Variants in NCBP3 observed in about 807,000 individuals in gnomAD.
NCBP3 encodes nuclear cap binding subunit 3.
A neutral mutation model predicts 75.7 loss-of-function variants in NCBP3; 20 were observed. The observed-to-expected ratio is 0.26, with a 90% CI of 0.19 to 0.38. The LOEUF is 0.38. Among genes scored for constraint, NCBP3 ranks in the 10% least tolerant of loss-of-function variants. NCBP3 has a pLI of 1.00. For missense variants in NCBP3, 678 were observed against 796.9 expected (o/e 0.85, Z 1.80); for synonymous variants, 293 against 290.5 (o/e 1.01, Z -0.09).
In NCBP3 at chr17:3,846,022, C is replaced by A. The variant is rs778096696; in HGVS notation, c.183+19G>T. ...CTAGCCCCGCGACCTCTTCCTTACCCCCCGACCCCCGCCCGTACCGGGATC... is the reference window on the plus strand; with the variant it reads ...CTAGCCCCGCGACCTCTTCCTTACCACCCGACCCCCGCCCGTACCGGGATC... On this transcript the variant is annotated intron_variant, in intron 1 of 12. Coordinates refer to ENST00000389005, the MANE Select transcript of NCBP3 (RefSeq NM_001114118.3). This position sits in a 1 kb window ranked among gnomAD's most constrained non-coding sequence, Gnocchi z 4.6. The A allele has an allele frequency of 1.7e-5, 27 of 1,545,192 alleles. No homozygotes were observed. Among genetic ancestry groups the A allele is most frequent in the Non-Finnish European group, 2.3e-5 (26 of 1,144,190 alleles).
intron 9 of NCBP3, 39 bp downstream of exon 9, chr17:3,821,210 C>G: frequency 7.1e-7 from 1 of 1,410,772 alleles, no homozygotes; most frequent in African/African-American, 1.4e-5. Flanking sequence ...ATTTCAGGAG[C>G]CAAACATGTG....
chr17:3,828,965 C>A (rs958585518), intron 4 of NCBP3, among the ~76,000 whole-genome samples: 1 of 152,106 alleles, frequency 6.6e-6, no homozygotes, highest in Non-Finnish European at 1.5e-5. Flanking sequence ...GTTAAAGAGG[C>A]CTCAATCAAC....
At chr17:3,845,262 C>T (rs1037508812) in intron 1 of NCBP3, among the ~76,000 whole-genome samples, 6 of 152,186 alleles carry the variant, frequency 3.9e-5, no homozygotes, top group Non-Finnish European at 7.3e-5. Context: ...TCCATAACTT[C>T]AGTCTAAATA....
intron 8 of NCBP3, among the ~76,000 whole-genome samples, chr17:3,821,624 T>C (rs1185498044): frequency 6.6e-6 from 1 of 152,164 alleles, no homozygotes; most frequent in African/African-American, 2.4e-5. Flanking sequence ...GGTTTCACCA[T>C]GTTGGCCAGG....
In NCBP3 at chr17:3,811,870, T is replaced by C. The variant is rs1319667659; in HGVS notation, c.*1174A>G. On this transcript the variant is annotated 3_prime_UTR_variant, in exon 13 of 13. Coordinates refer to ENST00000389005, the MANE Select transcript of NCBP3 (RefSeq NM_001114118.3). ...AATCTACCTCCTCCTAATGGTAAAA[T>C]AATCTGAAAGGAGTTTAAAAATAAA... The C allele has an allele frequency of 2.6e-5, 4 of 152,226 alleles. No individual in the cohort carries two copies. The highest frequency in any genetic ancestry group is 5.9e-5 in the Non-Finnish European group (4 of 68,022). 9.4% of individuals were successfully genotyped at this position (152,226 alleles called of 1,614,324 possible). A position where few individuals can be genotyped will look rare whatever the true frequency, so the allele number is the denominator to read the frequency against.
chr17:3,825,552 TTTC>T (rs2053768265), intron 6 of NCBP3, among the ~76,000 whole-genome samples: 1 of 152,232 alleles, frequency 6.6e-6, no homozygotes, highest in Non-Finnish European at 1.5e-5. Flanking sequence ...ATAAAACTAT[TTTC>T]TTTTTTTGTA....
intron 11 of NCBP3, 86 bp from the exon 12 acceptor site, chr17:3,814,569 G>T: frequency 2.1e-6 from 3 of 1,399,250 alleles, no homozygotes; most frequent in Non-Finnish European, 3.0e-6. Flanking sequence ...CGGATCTGGC[G>T]CTAACCCCTG....
intron 8 of NCBP3, 49 bp downstream of exon 8, chr17:3,821,904 G>A (rs1238153213): frequency 3.3e-6 from 4 of 1,205,524 alleles, no homozygotes; most frequent in Non-Finnish European, 4.9e-6. Context: ...ACCAACTGAA[G>A]GATTAAGAAA....
intron 3 of NCBP3, among the ~76,000 whole-genome samples, chr17:3,838,225 C>G (rs1458787043): frequency 6.6e-6 from 1 of 152,116 alleles, no homozygotes; most frequent in Non-Finnish European, 1.5e-5. Context: ...GACACCTGAC[C>G]AGAGATAAAG....
At chr17:3,833,935 A>G (rs2053930845) in intron 3 of NCBP3, among the ~76,000 whole-genome samples, 1 of 152,116 alleles carries the variant, frequency 6.6e-6, no homozygotes, top group Admixed American at 6.5e-5. Flanking sequence ...TTTCTGCTGC[A>G]TTCTAGGAAA....
At chr17:3,819,137 G>C (rs747903231) in intron 9 of NCBP3, among the ~76,000 whole-genome samples, 1 of 152,162 alleles carries the variant, frequency 6.6e-6, no homozygotes, top group African/African-American at 2.4e-5. Context: ...TAGATGCAAG[G>C]GGGCTGTGAT....
At position 3,803,224 on chromosome 17, in the gene NCBP3, A is replaced by G. The variant is rs1292504779; in HGVS notation, c.*9820T>C. The G allele has an allele frequency of 6.6e-6, 1 of 152,266 alleles. No individual in the cohort carries two copies. Among genetic ancestry groups the G allele is most frequent in the East Asian group, 1.9e-4 (1 of 5,206 alleles). 9.4% of individuals were successfully genotyped at this position (152,266 alleles called of 1,614,324 possible). A position where few individuals can be genotyped will look rare whatever the true frequency, so the allele number is the denominator to read the frequency against. On this transcript the variant is annotated 3_prime_UTR_variant, in exon 13 of 13. Coordinates refer to ENST00000389005, the MANE Select transcript of NCBP3 (RefSeq NM_001114118.3). ...GGACCAACTTCAAGGACGTTCTACA[A>G]CAGAAACTGGACTGTACTCTTCACA...
chr17:3,827,884 A>G (rs2053815382), intron 4 of NCBP3, among the ~76,000 whole-genome samples: 1 of 152,138 alleles, frequency 6.6e-6, no homozygotes, highest in Non-Finnish European at 1.5e-5. Context: ...TTAATGTACA[A>G]TAAACTACAC....
intron 3 of NCBP3, among the ~76,000 whole-genome samples, chr17:3,830,046 C>A (rs2053850654): frequency 6.6e-6 from 1 of 152,150 alleles, no homozygotes; most frequent in African/African-American, 2.4e-5. Context: ...ATCGAGATAT[C>A]TTACATCTTT....
At position 3,812,981 on chromosome 17, in the gene NCBP3, T is replaced by C; in HGVS notation, c.*63A>G. On this transcript the variant is annotated 3_prime_UTR_variant, in exon 13 of 13. Transcript: ENST00000389005. ...CAGCTCCTGCGGGGGAGGTTCCTAC[T>C]GCGCGCCCCACCCTGTGCAAGAATG... The C allele has an allele frequency of 6.2e-7, 1 of 1,600,798 alleles. No individual in the cohort carries two copies. Among genetic ancestry groups the C allele is most frequent in the Non-Finnish European group, 8.5e-7 (1 of 1,173,184 alleles).
intron 11 of NCBP3, 77 bp from the exon 12 acceptor site, chr17:3,814,560 G>A (rs1299292732): frequency 2.1e-5 from 31 of 1,499,108 alleles, no homozygotes; most frequent in Admixed American, 5.7e-5. Context: ...CACCTCTAAC[G>A]GATCTGGCGC....
intron 10 of NCBP3, 95 bp from the exon 11 acceptor site, chr17:3,816,365 A>G (rs2053532751): frequency 1.8e-6 from 2 of 1,134,214 alleles, no homozygotes; most frequent in Admixed American, 4.9e-5. Flanking sequence ...AAACAATTTA[A>G]GAAATCCTGT....
intron 1 of NCBP3, among the ~76,000 whole-genome samples, chr17:3,845,565 T>C (rs562124241): frequency 1.3e-5 from 2 of 152,264 alleles, no homozygotes; most frequent in South Asian, 2.1e-4. Context: ...TGCTGACAAG[T>C]GCAGCCCTCT....
rs2053427581 is a variant in NCBP3, at chr17:3,812,129, ACTC to A, written c.*912_*914del. On this transcript the variant is annotated 3_prime_UTR_variant, in exon 13 of 13. Transcript: ENST00000389005. ...ACTAGGAGCATTTAAAAATAATAAG[ACTC>A]CTCTCTCTGCCTTCTTCCAAAGAAT... The A allele has an allele frequency of 6.6e-6, 1 of 151,920 alleles. No homozygotes were observed. The highest frequency in any genetic ancestry group is 1.5e-5 in the Non-Finnish European group (1 of 68,014). 9.4% of individuals were successfully genotyped at this position (151,920 alleles called of 1,614,324 possible). A position where few individuals can be genotyped will look rare whatever the true frequency, so the allele number is the denominator to read the frequency against.
Sources: allele counts gnomAD v4.1 joint callset (sites outside exome capture counted in the v4.1 genomes callset), GRCh38; gene constraint gnomAD v4.1.1; non-coding constraint Gnocchi (gnomAD v3.1); transcripts MANE v1.5; gene names NCBI Gene and HGNC (gene_info 2026-07-23, HGNC 2026-07-21).